The following ADGRL2 variants were observed in gnomAD, a reference collection of about 807,000 sequenced individuals.
ADGRL2 encodes the protein calcium-independent alpha-latrotoxin receptor 2.
ADGRL2 carries 44 observed loss-of-function variants against 157.4 expected under a neutral mutation model. That is an observed-to-expected ratio of 0.28 (90% CI 0.22 to 0.36). The LOEUF is 0.36. ADGRL2 is among the 10% of genes least tolerant of loss of function. ADGRL2 has a pLI of 1.00. For synonymous variants in ADGRL2, 585 were observed against 624.7 expected (o/e 0.94, Z 0.95); for missense variants, 1,510 against 1,768.9 (o/e 0.85, Z 2.63).
intron 2 of ADGRL2, among the ~76,000 whole-genome samples, chr1:81,888,754 CT>C (rs1293565787): frequency 6.6e-6 from 1 of 152,010 alleles, no homozygotes; most frequent in Non-Finnish European, 1.5e-5. Flanking sequence ...GCCCGGCCTG[CT>C]TTTTTTATAA....
intron 1 of ADGRL2, among the ~76,000 whole-genome samples, chr1:81,830,146 A>G (rs1157091686): frequency 6.6e-6 from 1 of 152,152 alleles, no homozygotes; most frequent in Non-Finnish European, 1.5e-5. Flanking sequence ...TAATTTCTTG[A>G]AGGTGGCAGC....
At chr1:81,788,456 A>G (rs2087164856) in intron 2 of ADGRL2, among the ~76,000 whole-genome samples, 1 of 152,122 alleles carries the variant, frequency 6.6e-6, no homozygotes, top group South Asian at 2.1e-4. Flanking sequence ...CTTCACCATA[A>G]TTGTAAGCTT....
Position 81,993,846 on chromosome 1 carries a change from T to A in ADGRL2, c.*2701T>A, listed in dbSNP as rs953505327. ...TAGTCACAACTGTGAACTTATAAAG[T>A]CACATTTTTAAAGTTCTTCCTAGAG... On this transcript the variant is annotated 3_prime_UTR_variant, in exon 24 of 24. Coordinates refer to ENST00000686636, the MANE Select transcript of ADGRL2 (RefSeq NM_001366006.2). Among the ~76,000 whole-genome samples the A allele has an allele frequency of 2.0e-5, 3 of 152,070 alleles. No individual in the cohort carries two copies. The highest frequency in any genetic ancestry group is 7.2e-5 in the African/African-American group (3 of 41,390).
At chr1:81,802,185 C>G (rs1261641068) in intron 1 of ADGRL2, among the ~76,000 whole-genome samples, 1 of 151,890 alleles carries the variant, frequency 6.6e-6, no homozygotes, top group Non-Finnish European at 1.5e-5. Flanking sequence ...CCCGCGCGGC[C>G]CCCACGCCAG....
At chr1:81,535,216 G>T (rs2148282482) in intron 2 of ADGRL2, among the ~76,000 whole-genome samples, 1 of 152,310 alleles carries the variant, frequency 6.6e-6, no homozygotes, top group East Asian at 1.9e-4. Flanking sequence ...GAGCTGTCAA[G>T]TTTTTTGAGA....
In ADGRL2 at chr1:81,370,481, A is replaced by G. The variant is rs1434145878; in HGVS notation, c.-302+63972A>G. 7.2e-5 allele frequency among the ~76,000 whole-genome samples: 11 copies of G among 152,240 alleles called. No individual in the cohort carries two copies. The East Asian group carries it at 2.1e-3, about 29-fold the overall frequency. ...AAATAAGGTGATTTATTAAAACCATATTGTATATACCAAAGAAACTGAAAT... is the reference window on the plus strand; with the variant it reads ...AAATAAGGTGATTTATTAAAACCATGTTGTATATACCAAAGAAACTGAAAT... On this transcript the variant is annotated intron_variant, in intron 1 of 24. Transcript: ENST00000370721.
intron 3 of ADGRL2, among the ~76,000 whole-genome samples, chr1:81,598,407 C>A (rs959008604): frequency 6.6e-6 from 1 of 152,154 alleles, no homozygotes; most frequent in Non-Finnish European, 1.5e-5. Context: ...AAAAAATATT[C>A]TTTCTAAAGT....
At chr1:81,664,522 G>A (rs1471944700) in intron 3 of ADGRL2, among the ~76,000 whole-genome samples, 3 of 152,020 alleles carry the variant, frequency 2.0e-5, no homozygotes, top group Non-Finnish European at 4.4e-5. Flanking sequence ...TCCATGAATG[G>A]TACTAAACCT....
intron 1 of ADGRL2, among the ~76,000 whole-genome samples, chr1:81,726,348 G>T (rs2149154514): frequency 6.6e-6 from 1 of 152,254 alleles, no homozygotes; most frequent in South Asian, 2.1e-4. Flanking sequence ...CCTTAGTGTG[G>T]TCAAAGAAAA....
chr1:81,358,736 C>T (rs1372546880), intron 1 of ADGRL2, among the ~76,000 whole-genome samples: 1 of 152,058 alleles, frequency 6.6e-6, no homozygotes, highest in African/African-American at 2.4e-5. Flanking sequence ...TAAGTACCTA[C>T]TGTTGTCCTC....
At chr1:81,620,275 CA>C (rs113161280) in intron 3 of ADGRL2, among the ~76,000 whole-genome samples, 5 of 151,078 alleles carry the variant, frequency 3.3e-5, no homozygotes, top group South Asian at 2.1e-4. Context: ...CATGCAAATA[CA>C]AAAAAAAGTA....
intron 1 of ADGRL2, among the ~76,000 whole-genome samples, chr1:81,351,364 TTTTG>T: frequency 6.6e-6 from 1 of 152,236 alleles, no homozygotes; most frequent in East Asian, 1.9e-4. Flanking sequence ...AATACTTTCA[TTTTG>T]AAATATAACG....
intron 1 of ADGRL2, among the ~76,000 whole-genome samples, chr1:81,705,911 T>C (rs1002371455): frequency 1.3e-5 from 2 of 151,836 alleles, no homozygotes; most frequent in Admixed American, 6.6e-5. Context: ...ACCTTATCTT[T>C]AAAAACAAAA....
chr1:81,894,988 A>G (rs763033406), intron 2 of ADGRL2, among the ~76,000 whole-genome samples: 1 of 152,180 alleles, frequency 6.6e-6, no homozygotes, highest in Non-Finnish European at 1.5e-5. Context: ...GAAGGTGAAG[A>G]GGTGCCACTA....
At chr1:81,502,613 C>T in intron 2 of ADGRL2, 2 of 1,614,042 alleles carry the variant, frequency 1.2e-6, no homozygotes. Flanking sequence ...CACCAAAGGC[C>T]TAAACCTGCC....
intron 1 of ADGRL2, among the ~76,000 whole-genome samples, chr1:81,348,092 A>C (rs1027362972): frequency 5.3e-5 from 8 of 152,130 alleles, no homozygotes; most frequent in African/African-American, 1.7e-4. Flanking sequence ...GAGTAGGGCC[A>C]CCCCACAGAG....
At chr1:81,359,824 A>G (rs1011778121) in intron 1 of ADGRL2, among the ~76,000 whole-genome samples, 40 of 152,014 alleles carry the variant, frequency 2.6e-4, no homozygotes, top group Non-Finnish European at 5.6e-4. Context: ...TCACTTTCTG[A>G]AGCCAAAAAA....
upstream of ADGRL2, among the ~76,000 whole-genome samples, chr1:81,799,337 C>T (rs1297869193): frequency 6.6e-6 from 1 of 152,220 alleles, no homozygotes; most frequent in Admixed American, 6.5e-5. Context: ...CTAAGTTGCT[C>T]CTTTTATCTT....
chr1:81,459,256 A>C (rs2077871937), intron 2 of ADGRL2, among the ~76,000 whole-genome samples: 1 of 152,174 alleles, frequency 6.6e-6, no homozygotes, highest in South Asian at 2.1e-4. Context: ...CTTGAAGGTC[A>C]GGTTTCACCA....
Sources: gnomAD v4.1 joint callset for allele counts (sites outside exome capture counted in the v4.1 genomes callset) on GRCh38, gnomAD v4.1.1 for gene constraint, MANE v1.5 for transcripts, NCBI Gene and HGNC (gene_info 2026-07-23, HGNC 2026-07-21) for gene names.